NOXRED1: variants seen among roughly 807,000 people sequenced by gnomAD.
NOXRED1 encodes NADP dependent oxidoreductase domain containing 1.
Under a neutral mutation model 30.4 loss-of-function variants are expected in NOXRED1, and 20 were observed. The ratio of observed to expected loss-of-function variants is 0.66; its 90% CI spans 0.46 to 0.96. The LOEUF (loss-of-function observed/expected upper bound fraction) is 0.96. Among genes scored for constraint, NOXRED1 ranks in the 40% least tolerant of loss-of-function variants. NOXRED1 has a pLI of 0.00. For synonymous variants in NOXRED1, 155 were observed against 168.0 expected (o/e 0.92, Z 0.60); for missense variants, 374 against 428.0 (o/e 0.87, Z 1.11).
rs1167188802 is a variant in NOXRED1, at chr14:77,423,159, A to C, written c.-270T>G. The C allele has an allele frequency of 3.9e-5, 14 of 360,262 alleles. No individual in the cohort carries two copies. The East Asian group carries it at 4.5e-4, about 11-fold the overall frequency. The allele number at this position is 360,262 out of a possible 1,614,324, so 22.3% of individuals were successfully genotyped here. Reference sequence around the variant, plus strand: ...TGGACTCATGAAAAACCTGTACAGAAACCCAAAGTATTGTTTCTCCACACA... The same window carrying C: ...TGGACTCATGAAAAACCTGTACAGACACCCAAAGTATTGTTTCTCCACACA... On this transcript the variant is annotated 5_prime_UTR_variant, in exon 1 of 6. Transcript: ENST00000380835.
Position 77,407,521 on chromosome 14 carries a change from G to T in NOXRED1, c.474C>A (p.Thr158=). 1 of 1,613,942 alleles carries T rather than the reference G, an allele frequency of 6.2e-7. No homozygotes were observed. Among genetic ancestry groups the T allele is most frequent in the East Asian group, 2.2e-5 (1 of 44,884 alleles). The stretch of plus-strand genomic sequence containing the variant: ...ACACAATGCTGGCCTTCTCAAGGCT[G>T]GTGTAAATTTCTACGCAGATATTAG... The part of the protein sequence containing the change: ...QLPNICVEIY[T]SLEKASIVYS... The change falls in exon 3 of 6, where the codon ACC becomes ACA. Residue 158 remains threonine (T), a synonymous_variant. Coordinates refer to ENST00000380835, the MANE Select transcript of NOXRED1 (RefSeq NM_001113475.3).
chr14:77,397,038 C>A lies in NOXRED1; in HGVS notation c.906-2233G>T, dbSNP rs138614807. 1.7e-3 allele frequency among the ~76,000 whole-genome samples: 256 copies of A among 152,318 alleles called. 1 individual carries two copies. Among genetic ancestry groups the A allele is most frequent in the African/African-American group, 5.8e-3 (241 of 41,564 alleles). The stretch of plus-strand genomic sequence containing the variant: ...CAACTACCAAATGACAATAATTACA[C>A]TCCTGGTCATTCATTCCAGGTAAGT... On this transcript the variant is annotated intron_variant, in intron 5 of 5. Transcript: ENST00000380835.
upstream of NOXRED1, among the ~76,000 whole-genome samples, chr14:77,424,081 A>G (rs1895067892): frequency 6.6e-6 from 1 of 152,204 alleles, no homozygotes; most frequent in Non-Finnish European, 1.5e-5. Context: ...GAATCATACA[A>G]TATGTGACCT....
chr14:77,417,869 GC>G, intron 1 of NOXRED1, among the ~76,000 whole-genome samples: 1 of 147,574 alleles, frequency 6.8e-6, no homozygotes, highest in Non-Finnish European at 1.5e-5. Context: ...CTCTCTTGCT[GC>G]CTTCTTTTGT....
intron 5 of NOXRED1, among the ~76,000 whole-genome samples, chr14:77,399,584 T>C (rs1378582130): frequency 6.6e-6 from 1 of 152,182 alleles, no homozygotes; most frequent in Non-Finnish European, 1.5e-5. Context: ...GTGACAGATA[T>C]GAAGAATATC....
intron 1 of NOXRED1, among the ~76,000 whole-genome samples, chr14:77,419,520 C>T (rs566182448): frequency 5.1e-5 from 7 of 137,272 alleles, no homozygotes; most frequent in African/African-American, 8.2e-5. Context: ...GCAATCGTGG[C>T]TCACTGCTAC....
chr14:77,414,493 T>C lies in NOXRED1; in HGVS notation c.156-366A>G, dbSNP rs561975308. Among the ~76,000 whole-genome samples the C allele has an allele frequency of 7.2e-5, 11 of 152,306 alleles. No homozygotes were observed. The East Asian group carries it at 2.1e-3, about 29-fold the overall frequency. On this transcript the variant is annotated intron_variant, in intron 1 of 5. Coordinates refer to ENST00000380835, the MANE Select transcript of NOXRED1 (RefSeq NM_001113475.3). ...CGCACCCGGCCTAGTTCTTCTTAACTGTCATTCTCTGACATTTTCTGCTTT... is the reference window on the plus strand; with the variant it reads ...CGCACCCGGCCTAGTTCTTCTTAACCGTCATTCTCTGACATTTTCTGCTTT...
At chr14:77,415,180 A>G (rs1039551111) in intron 1 of NOXRED1, among the ~76,000 whole-genome samples, 2 of 104,092 alleles carry the variant, frequency 1.9e-5, no homozygotes, top group Admixed American at 9.9e-5. Flanking sequence ...TGTCTCAGGA[A>G]AACACACACA....
At chr14:77,395,109 C>CTT (rs35389923) in intron 5 of NOXRED1, among the ~76,000 whole-genome samples, 23,114 of 137,550 alleles carry the variant, frequency 0.17, 2,306 homozygotes, top group Middle Eastern at 0.26. Context: ...TTTTTTCTTT[C>CTT]TTTTTTTTTT....
chr14:77,402,827 G>T (rs941791510), intron 5 of NOXRED1, among the ~76,000 whole-genome samples: 1 of 152,150 alleles, frequency 6.6e-6, no homozygotes, highest in East Asian at 1.9e-4. Flanking sequence ...CTGAGGTCAG[G>T]AGTTTGAGAC....
At chr14:77,407,377 T>G in intron 3 of NOXRED1, 88 bp downstream of exon 3, 1 of 912,072 alleles carries the variant, frequency 1.1e-6, no homozygotes, top group Non-Finnish European at 1.7e-6. Flanking sequence ...CTCTAAGAGA[T>G]AGGGGCTACA....
upstream of NOXRED1, among the ~76,000 whole-genome samples, chr14:77,425,710 G>A (rs1895105974): frequency 6.6e-6 from 1 of 152,210 alleles, no homozygotes; most frequent in Non-Finnish European, 1.5e-5. Flanking sequence ...TGGATTGTAG[G>A]GCGTTTAGCA....
Position 77,422,907 on chromosome 14 carries a change from C to T in NOXRED1, c.-18G>A, listed in dbSNP as rs1166631357. The T allele has an allele frequency of 1.9e-6, 3 of 1,606,746 alleles. No individual in the cohort carries two copies. The Admixed American group carries it at 5.1e-5, about 27-fold the overall frequency. On this transcript the variant is annotated 5_prime_UTR_variant, in exon 1 of 6. Transcript: ENST00000380835. ...ATGTCCATTTCCAAGCCACTATTTC[C>T]TGCAGTGATAGACACTAATCAATTT...
intron 1 of NOXRED1, among the ~76,000 whole-genome samples, chr14:77,415,714 C>T (rs1894799539): frequency 7.3e-6 from 1 of 136,454 alleles, no homozygotes; most frequent in Non-Finnish European, 1.6e-5. Context: ...ACTCTATATG[C>T]TTTTTTTTTT....
Position 77,414,005 on chromosome 14 carries a change from C to T in NOXRED1, c.278G>A (p.Gly93Asp). Residue 93 changes from glycine (G) to aspartate (D), a missense_variant, in exon 2 of 6, where the codon GGC (glycine) becomes GAC (aspartate). Transcript: ENST00000380835. ...GGGHLGKQLA[G>D]TLLQLGPIPA... ...GATGGGGCCAAGCTGCAGCAGTGTG[C>T]CAGCCAGCTGCTTCCCAAGGTGGCC... The T allele has an allele frequency of 6.2e-7, 1 of 1,612,000 alleles. No individual in the cohort carries two copies. The highest frequency in any genetic ancestry group is 8.5e-7 in the Non-Finnish European group (1 of 1,178,604).
In NOXRED1 at chr14:77,406,125, G is replaced by A; in HGVS notation, c.693C>T (p.Ile231=). The A allele has an allele frequency of 1.2e-6, 2 of 1,610,826 alleles. No individual in the cohort carries two copies. The highest frequency in any genetic ancestry group is 1.7e-6 in the Non-Finnish European group (2 of 1,177,416). The change falls in exon 5 of 6, where the codon ATC becomes ATT. Residue 231 remains isoleucine (I), a synonymous_variant. Transcript: ENST00000380835. ...CTCCCTCCAACCACTTGATATTGAGGATTATTCCCCCTACACATCAATGAG... is the reference window on the plus strand; with the variant it reads ...CTCCCTCCAACCACTTGATATTGAGAATTATTCCCCCTACACATCAATGAG... ...TCPYSPAGGI[I]LNIKWLEGVF... is the part of the protein sequence containing the mutation.
At chr14:77,418,467 TATTG>T (rs1439962077) in intron 1 of NOXRED1, among the ~76,000 whole-genome samples, 1 of 151,080 alleles carries the variant, frequency 6.6e-6, no homozygotes, top group East Asian at 1.9e-4. Context: ...TATTTATACT[TATTG>T]ATATTTATAA....
At chr14:77,411,060 T>G (rs1310748459) in intron 2 of NOXRED1, among the ~76,000 whole-genome samples, 1 of 152,184 alleles carries the variant, frequency 6.6e-6, no homozygotes, top group Non-Finnish European at 1.5e-5. Context: ...GCAGCTTTAT[T>G]TGTAATAGCC....
chr14:77,424,952 G>A (rs1242315316), upstream of NOXRED1, among the ~76,000 whole-genome samples: 1 of 152,180 alleles, frequency 6.6e-6, no homozygotes, highest in African/African-American at 2.4e-5. Context: ...TACCTTGTTG[G>A]TGAGGGGCAA....
Sources: gnomAD v4.1 joint callset for allele counts (sites outside exome capture counted in the v4.1 genomes callset) on GRCh38, gnomAD v4.1.1 for gene constraint, MANE v1.5 for transcripts, NCBI Gene and HGNC (gene_info 2026-07-23, HGNC 2026-07-21) for gene names.